Variants in SRGAP3 observed in about 807,000 individuals in gnomAD.
The protein encoded by SRGAP3 is SLIT-ROBO Rho GTPase activating protein 3, also known as SLIT-ROBO Rho GTPase-activating protein 3.
Under a neutral mutation model 121.1 loss-of-function variants are expected in SRGAP3, and 39 were observed. The ratio of observed to expected loss-of-function variants is 0.32; its 90% CI spans 0.25 to 0.42. The LOEUF is 0.42. Ranked by LOEUF, SRGAP3 falls within the 10% of genes least tolerant of loss-of-function variation. SRGAP3 has a pLI of 1.00. For synonymous variants in SRGAP3, 601 were observed against 570.0 expected (o/e 1.05, Z -0.77); for missense variants, 1,213 against 1,470.6 (o/e 0.82, Z 2.86).
intron 18 of SRGAP3, chr3:9,006,894 T>C (rs886102882): frequency 6.6e-6 from 1 of 151,630 alleles, no homozygotes; most frequent in Non-Finnish European, 1.5e-5. Flanking sequence ...GCAAGCACTA[T>C]GGAATTTCCA....
At chr3:9,230,421 A>G (rs1953159613) in intron 1 of SRGAP3, among the ~76,000 whole-genome samples, 1 of 152,200 alleles carries the variant, frequency 6.6e-6, no homozygotes, top group African/African-American at 2.4e-5. Flanking sequence ...AAAACACTGA[A>G]CAGGAGACAG....
intron 3 of SRGAP3, among the ~76,000 whole-genome samples, chr3:9,314,711 C>G (rs915600208): frequency 2.6e-5 from 4 of 151,772 alleles, no homozygotes; most frequent in African/African-American, 9.7e-5. Flanking sequence ...TGTGATCCCC[C>G]ACCTCCAAGT....
intron 1 of SRGAP3, among the ~76,000 whole-genome samples, chr3:9,183,264 C>T (rs1444220845): frequency 2.6e-5 from 4 of 152,128 alleles, no homozygotes; most frequent in Non-Finnish European, 4.4e-5. Context: ...AGTGCAGCCA[C>T]GGCGCCTGGG....
chr3:9,089,973 C>T (rs760834453), intron 3 of SRGAP3, among the ~76,000 whole-genome samples: 2 of 152,238 alleles, frequency 1.3e-5, no homozygotes, highest in South Asian at 2.1e-4. Context: ...AGGCCCACTA[C>T]GGCAGACAGC....
chr3:9,232,091 C>A (rs976221248), intron 1 of SRGAP3, among the ~76,000 whole-genome samples: 1 of 152,170 alleles, frequency 6.6e-6, no homozygotes, highest in African/African-American at 2.4e-5. Context: ...TTCCTCACTG[C>A]GTGGGGGAAT....
At chr3:9,199,309 T>A (rs1574855255) in intron 1 of SRGAP3, among the ~76,000 whole-genome samples, 1 of 152,222 alleles carries the variant, frequency 6.6e-6, no homozygotes, top group South Asian at 2.1e-4. Context: ...GAAGCATTCA[T>A]AAATGCAAAT....
chr3:9,248,140 C>G (rs1486366163), intron 1 of SRGAP3, among the ~76,000 whole-genome samples: 2 of 152,266 alleles, frequency 1.3e-5, no homozygotes, highest in Non-Finnish European at 2.9e-5. Context: ...CCCCGGAAGC[C>G]AGGCAGCGCT....
intron 18 of SRGAP3, among the ~76,000 whole-genome samples, chr3:9,002,482 A>G (rs1192846473): frequency 3.3e-5 from 5 of 152,194 alleles, no homozygotes; most frequent in East Asian, 1.9e-4. Context: ...TATATTAGGG[A>G]AAAAAACCCA....
At chr3:9,043,530 A>G (rs1945118054) in intron 10 of SRGAP3, among the ~76,000 whole-genome samples, 2 of 151,568 alleles carry the variant, frequency 1.3e-5, no homozygotes, top group Non-Finnish European at 2.9e-5. Context: ...CTGAAGGAAA[A>G]CTTTTCTCTG....
Position 9,064,453 on chromosome 3 carries a change from G to A in SRGAP3, c.615C>T (p.His205=), listed in dbSNP as rs201116450. 3.2e-5 allele frequency: 51 copies of A among 1,614,216 alleles called. No homozygotes were observed. The highest frequency in any genetic ancestry group is 6.7e-5 in the East Asian group (3 of 44,874). Reference sequence around the variant, plus strand: ...AGCTGCGGCGCTGGGGCCGGTCCTCGTGCCGGAGCAGGTTCATGCTGAGGT... The same window carrying A: ...AGCTGCGGCGCTGGGGCCGGTCCTCATGCCGGAGCAGGTTCATGCTGAGGT... ...SGDLSMNLLR[H]EDRPQRRSSV... The change falls in exon 5 of 22, where the codon CAC becomes CAT. Residue 205 remains histidine, a synonymous_variant. Transcript: ENST00000383836.
chr3:9,091,405 C>G (rs1947750236), intron 3 of SRGAP3, among the ~76,000 whole-genome samples: 1 of 152,092 alleles, frequency 6.6e-6, no homozygotes, highest in East Asian at 1.9e-4. Flanking sequence ...ACAACAAAAT[C>G]CTTTGTCTCT....
chr3:9,065,033 C>T (rs578123880), intron 4 of SRGAP3, among the ~76,000 whole-genome samples: 23 of 152,154 alleles, frequency 1.5e-4, no homozygotes, highest in East Asian at 3.9e-4. Context: ...CCCAGTGCCG[C>T]GGGGAAAGCC....
chr3:9,299,132 C>G (rs1955003735), intron 3 of SRGAP3, among the ~76,000 whole-genome samples: 1 of 149,150 alleles, frequency 6.7e-6, no homozygotes, highest in African/African-American at 2.5e-5. Flanking sequence ...GGAGGCCGAG[C>G]CGGATGGATC....
At chr3:9,251,284 G>A (rs571953137), upstream of SRGAP3, among the ~76,000 whole-genome samples, 5 of 152,080 alleles carry the variant, frequency 3.3e-5, no homozygotes, top group Non-Finnish European at 5.9e-5. Context: ...CCTTGTACCC[G>A]GAGGCAGGAG....
chr3:9,038,098 G>A lies in SRGAP3; in HGVS notation c.1409-8C>T. ...CGCATTCTGCTCTTTCCCCTGCAAA[G>A]AAAAGTATACATGAATGTTTAATTG... On this transcript the variant is annotated splice_region_variant and splice_polypyrimidine_tract_variant and intron_variant, in intron 10 of 21. Coordinates refer to ENST00000383836, the MANE Select transcript of SRGAP3 (RefSeq NM_014850.4). 6.2e-7 allele frequency: 1 copy of A among 1,614,158 alleles called. No individual in the cohort carries two copies. The highest frequency in any genetic ancestry group is 1.1e-5 in the South Asian group (1 of 91,080).
At chr3:9,078,196 A>G (rs1471353028) in intron 4 of SRGAP3, among the ~76,000 whole-genome samples, 1 of 152,318 alleles carries the variant, frequency 6.6e-6, no homozygotes, top group Non-Finnish European at 1.5e-5. Context: ...TGGTGTAAAT[A>G]GAGGGCACCA....
rs949950116 is a variant in SRGAP3 at position 9,011,042 on chromosome 3, T to C, written c.2148-655A>G. On this transcript the variant is annotated intron_variant, in intron 17 of 21. Coordinates refer to ENST00000383836, the MANE Select transcript of SRGAP3 (RefSeq NM_014850.4). ...AGGGTTAATTCACATAATCAGCCAGTTTTTTTTTTATAGAGCCATTGAGTG... is the reference window on the plus strand; with the variant it reads ...AGGGTTAATTCACATAATCAGCCAGCTTTTTTTTTATAGAGCCATTGAGTG... 1.2e-3 allele frequency among the ~76,000 whole-genome samples: 9 copies of C among 7,330 alleles called. No homozygotes were observed. The South Asian group carries it at 0.045, about 37-fold the overall frequency. The allele number at this position is 7,330 out of a possible 152,430, so 4.8% of individuals were successfully genotyped here.
intron 2 of SRGAP3, among the ~76,000 whole-genome samples, chr3:9,108,471 A>T (rs973539613): frequency 6.6e-6 from 1 of 152,148 alleles, no homozygotes; most frequent in African/African-American, 2.4e-5. Context: ...TTTAAAAATT[A>T]GCTGGGCATA....
intron 1 of SRGAP3, among the ~76,000 whole-genome samples, chr3:9,354,614 G>A (rs180704861): frequency 1.8e-4 from 27 of 151,280 alleles, no homozygotes; most frequent in Middle Eastern, 6.8e-3. Context: ...CCCGGGAGGC[G>A]GAGCTTGCAG....
Sources: allele counts gnomAD v4.1 joint callset (sites outside exome capture counted in the v4.1 genomes callset), GRCh38; gene constraint gnomAD v4.1.1; transcripts MANE v1.5; gene names NCBI Gene and HGNC (gene_info 2026-07-23, HGNC 2026-07-21).